Variants in RIMS1 observed in about 807,000 individuals in gnomAD.
RIMS1 encodes regulating synaptic membrane exocytosis protein 1.
RIMS1 carries 83 observed loss-of-function variants against 214.1 expected under a neutral mutation model. The ratio of observed to expected loss-of-function variants is 0.39; its 90% CI spans 0.32 to 0.47. The LOEUF (loss-of-function observed/expected upper bound fraction) is 0.47, where lower values mean the gene tolerates loss of function less well. Among genes scored for constraint, RIMS1 ranks in the 20% least tolerant of loss-of-function variants. RIMS1 has a pLI of 0.99. For missense variants in RIMS1, 2,050 were observed against 2,161.8 expected, an observed-to-expected ratio of 0.95 and a Z score of 1.03; for synonymous variants, 793 against 786.8, an observed-to-expected ratio of 1.01 and a Z score of -0.13.
intron 4 of RIMS1, among the ~76,000 whole-genome samples, chr6:72,116,523 C>T (rs1285768851): frequency 6.6e-6 from 1 of 151,930 alleles, no homozygotes; most frequent in African/African-American, 2.4e-5. Context: ...TTTCAAATCC[C>T]CACTTACTTA....
intron 23 of RIMS1, among the ~76,000 whole-genome samples, chr6:72,276,636 C>G (rs951752334): frequency 5.3e-5 from 8 of 151,726 alleles, no homozygotes; most frequent in African/African-American, 1.9e-4. Context: ...CTATGTTCGA[C>G]CAAAATAAAT....
At chr6:72,396,023 C>T (rs931782223) in intron 31 of RIMS1, among the ~76,000 whole-genome samples, 3 of 151,390 alleles carry the variant, frequency 2.0e-5, no homozygotes, top group Non-Finnish European at 4.4e-5. Flanking sequence ...TCATGAACCC[C>T]AAGAAAAGCA....
chr6:72,348,403 A>C (rs941312754), intron 29 of RIMS1, among the ~76,000 whole-genome samples: 1 of 151,824 alleles, frequency 6.6e-6, no homozygotes, highest in Admixed American at 6.6e-5. Context: ...CGACTGTAGA[A>C]GTGATTTGTC....
intron 16 of RIMS1, among the ~76,000 whole-genome samples, chr6:72,256,662 A>T (rs1370233508): frequency 2.7e-5 from 4 of 146,350 alleles, no homozygotes; most frequent in African/African-American, 7.7e-5. Flanking sequence ...CAGACTATGG[A>T]TTAATTGTCT....
intron 2 of RIMS1, among the ~76,000 whole-genome samples, chr6:72,051,925 A>C (rs76056114): frequency 0.014 from 2,168 of 152,216 alleles, 18 homozygotes; most frequent in Middle Eastern, 0.034. Context: ...ATGACCAAAG[A>C]AGTTTTAAAA....
intron 1 of RIMS1, among the ~76,000 whole-genome samples, chr6:71,945,941 G>A (rs1787680612): frequency 6.6e-6 from 1 of 151,770 alleles, no homozygotes; most frequent in South Asian, 2.1e-4. Context: ...AGTGGAGATG[G>A]GGTTTCAGAA....
At chr6:72,043,458 A>G (rs1030881468) in intron 2 of RIMS1, among the ~76,000 whole-genome samples, 18 of 151,848 alleles carry the variant, frequency 1.2e-4, no homozygotes, top group African/African-American at 4.3e-4. Context: ...GTGAGGAAGG[A>G]GGTCAAAACT....
At chr6:72,023,616 C>A (rs746787766) in intron 2 of RIMS1, among the ~76,000 whole-genome samples, 11 of 151,752 alleles carry the variant, frequency 7.2e-5, no homozygotes, top group Non-Finnish European at 1.3e-4. Context: ...GCTTTGTGAT[C>A]TTTTTTAATT....
intron 3 of RIMS1, 111 bp from the exon 4 acceptor site, chr6:72,099,864 A>G (rs1345487340): frequency 7.6e-6 from 6 of 791,422 alleles, no homozygotes; most frequent in African/African-American, 1.7e-5. Context: ...AATACTTTGA[A>G]GAAACACATA....
intron 6 of RIMS1, chr6:72,217,228 T>C (rs2056514134): frequency 5.9e-6 from 9 of 1,536,348 alleles, no homozygotes; most frequent in Non-Finnish European, 7.9e-6. Flanking sequence ...ACTTCATACA[T>C]TGCACTCAGG....
chr6:71,990,458 T>C (rs1369764862), intron 2 of RIMS1, among the ~76,000 whole-genome samples: 4 of 152,174 alleles, frequency 2.6e-5, no homozygotes, highest in African/African-American at 9.6e-5. Flanking sequence ...AATAAATACA[T>C]TTAATGAAGC....
chr6:71,935,692 A>G (rs1190280542), intron 1 of RIMS1, among the ~76,000 whole-genome samples: 1 of 152,218 alleles, frequency 6.6e-6, no homozygotes, highest in East Asian at 1.9e-4. Flanking sequence ...GCTCTTAAAA[A>G]TATGTACAAA....
intron 2 of RIMS1, among the ~76,000 whole-genome samples, chr6:72,002,766 T>C (rs557601001): frequency 7.2e-5 from 11 of 152,190 alleles, no homozygotes; most frequent in Non-Finnish European, 1.2e-4. Flanking sequence ...GATGAGTAGA[T>C]GAAGTTGAAA....
chr6:72,061,428 A>G (rs531751324), intron 2 of RIMS1, among the ~76,000 whole-genome samples: 39 of 152,356 alleles, frequency 2.6e-4, no homozygotes, highest in African/African-American at 8.4e-4. Flanking sequence ...ACTCAAAAGC[A>G]TGTGCTTACA....
At chr6:72,291,523 A>G (rs2093385967) in intron 25 of RIMS1, among the ~76,000 whole-genome samples, 1 of 152,214 alleles carries the variant, frequency 6.6e-6, no homozygotes, top group African/African-American at 2.4e-5. Flanking sequence ...TTCTATAGTC[A>G]ATATCAATTT....
chr6:72,364,176 C>T (rs979818655), intron 29 of RIMS1, among the ~76,000 whole-genome samples: 54 of 152,160 alleles, frequency 3.5e-4, no homozygotes, highest in African/African-American at 1.2e-3. Context: ...CCTAATATTG[C>T]CAGTGACATC....
intron 26 of RIMS1, among the ~76,000 whole-genome samples, chr6:72,298,224 A>G (rs1054355171): frequency 4.6e-5 from 7 of 151,996 alleles, no homozygotes; most frequent in Admixed American, 6.6e-5. Flanking sequence ...AAAATACTCA[A>G]AGCATTACTA....
chr6:72,185,654 A>T (rs1362963913), intron 6 of RIMS1, among the ~76,000 whole-genome samples: 1 of 152,240 alleles, frequency 6.6e-6, no homozygotes, highest in Non-Finnish European at 1.5e-5. Flanking sequence ...CTTTTACCAC[A>T]TGGATCCTTC....
rs1264992664 is a variant in RIMS1 at position 72,107,854 on chromosome 6, T to C, written c.471+7868T>C. Among the ~76,000 whole-genome samples the C allele has an allele frequency of 2.6e-5, 4 of 152,324 alleles. No individual in the cohort carries two copies. The East Asian group carries it at 7.7e-4, about 29-fold the overall frequency. Reference sequence around the variant, plus strand: ...AGTGGTAGCTGCAGTAAATCATTCTTAGAAACTAATGTTTATTAGGCATGT... The same window carrying C: ...AGTGGTAGCTGCAGTAAATCATTCTCAGAAACTAATGTTTATTAGGCATGT... On this transcript the variant is annotated intron_variant, in intron 4 of 33. Coordinates refer to ENST00000521978, the MANE Select transcript of RIMS1 (RefSeq NM_014989.7).
Sources: gnomAD v4.1 joint callset for allele counts (sites outside exome capture counted in the v4.1 genomes callset) on GRCh38, gnomAD v4.1.1 for gene constraint, MANE v1.5 for transcripts, NCBI Gene and HGNC (gene_info 2026-07-23, HGNC 2026-07-21) for gene names.